AFF3: variants seen among roughly 807,000 people sequenced by gnomAD.
AFF3 encodes the protein AF4/FMR2 family member 3.
A neutral mutation model predicts 129.7 loss-of-function variants in AFF3; 32 were observed. The observed-to-expected ratio is 0.25, with a 90% CI of 0.19 to 0.33. AFF3 has a LOEUF of 0.33. Ranked by LOEUF, AFF3 falls within the 10% of genes least tolerant of loss-of-function variation. AFF3 has a pLI of 1.00. For synonymous variants in AFF3, 644 were observed against 635.4 expected (o/e 1.01, Z -0.20); for missense variants, 1,373 against 1,592.0 (o/e 0.86, Z 2.34).
intron 13 of AFF3, among the ~76,000 whole-genome samples, chr2:99,645,720 T>C (rs979580472): frequency 2.0e-5 from 3 of 152,196 alleles, no homozygotes; most frequent in African/African-American, 7.2e-5. Flanking sequence ...ATGATCACAG[T>C]TGATTTTTAA....
intron 13 of AFF3, among the ~76,000 whole-genome samples, chr2:99,611,793 A>C (rs1304512471): frequency 1.3e-5 from 2 of 152,048 alleles, no homozygotes; most frequent in East Asian, 1.9e-4. Flanking sequence ...AGGCTGAGGC[A>C]GGAGAATCGC....
intron 12 of AFF3, among the ~76,000 whole-genome samples, chr2:99,657,144 C>T (rs1685819244): frequency 6.6e-6 from 1 of 152,136 alleles, no homozygotes; most frequent in Non-Finnish European, 1.5e-5. Context: ...GAGGAGCATG[C>T]CAATAACGAA....
At chr2:99,592,844 G>C (rs1008321103) in intron 15 of AFF3, among the ~76,000 whole-genome samples, 3 of 151,956 alleles carry the variant, frequency 2.0e-5, no homozygotes, top group African/African-American at 7.3e-5. Flanking sequence ...GCTGAGGTAG[G>C]AGAATCGCCT....
rs55856427 is a variant in AFF3, at chr2:99,739,013, A to ATTT, written c.1039+5088_1039+5090dup. Among the ~76,000 whole-genome samples, 73 of 138,344 alleles carry ATTT rather than the reference A, an allele frequency of 5.3e-4. 2 individuals are homozygous for ATTT. The highest frequency in any genetic ancestry group is 1.5e-3 in the African/African-American group (56 of 37,578). 90.8% of individuals were successfully genotyped at this position (138,344 alleles called of 152,430 possible). A position where few individuals can be genotyped will look rare whatever the true frequency, so the allele number is the denominator to read the frequency against. ...TTCTCAGTGAGGAGTGAACTGTTCA[A>ATTT]TTTTTTTTTTTTTTAGCAAATATTA... On this transcript the variant is annotated intron_variant, in intron 10 of 24. Transcript: ENST00000672756.
chr2:99,668,031 G>A (rs1279428682), intron 12 of AFF3, among the ~76,000 whole-genome samples: 5 of 151,880 alleles, frequency 3.3e-5, no homozygotes, highest in African/African-American at 1.2e-4. Flanking sequence ...GGTGGTGGGC[G>A]CCTGTAGTCC....
At chr2:99,886,944 A>G (rs1238634850) in intron 7 of AFF3, among the ~76,000 whole-genome samples, 1 of 152,248 alleles carries the variant, frequency 6.6e-6, no homozygotes, top group African/African-American at 2.4e-5. Flanking sequence ...GTAAGAAGTA[A>G]TGCATCTCCC....
chr2:99,804,292 T>C (rs1015274072), intron 8 of AFF3, among the ~76,000 whole-genome samples: 12 of 152,170 alleles, frequency 7.9e-5, no homozygotes, highest in African/African-American at 2.4e-4. Flanking sequence ...AATAGACATT[T>C]TTCAAAAGAA....
chr2:99,576,408 C>T (rs1427613440), intron 18 of AFF3, among the ~76,000 whole-genome samples: 1 of 150,028 alleles, frequency 6.7e-6, no homozygotes, highest in Non-Finnish European at 1.5e-5. Context: ...CCCAGCTACT[C>T]AGGAGGCTGA....
intron 7 of AFF3, among the ~76,000 whole-genome samples, chr2:99,852,263 G>A (rs1558915557): frequency 6.6e-6 from 1 of 152,016 alleles, no homozygotes; most frequent in Non-Finnish European, 1.5e-5. Flanking sequence ...ATGCTTTCAT[G>A]TTGGCACTAA....
intron 9 of AFF3, among the ~76,000 whole-genome samples, chr2:99,745,454 G>A (rs4851225): frequency 0.74 from 112,130 of 152,084 alleles, 42,189 homozygotes; most frequent in East Asian, 0.92. Flanking sequence ...TGGTGTCATC[G>A]CTAAGAATCC....
intron 8 of AFF3, among the ~76,000 whole-genome samples, chr2:99,818,089 T>C (rs538752239): frequency 2.0e-5 from 3 of 152,188 alleles, no homozygotes; most frequent in Non-Finnish European, 4.4e-5. Flanking sequence ...AGGTTGAGCA[T>C]ACCAAATTCC....
intron 11 of AFF3, among the ~76,000 whole-genome samples, chr2:99,689,287 C>T (rs1675368300): frequency 6.6e-6 from 1 of 152,166 alleles, no homozygotes; most frequent in African/African-American, 2.4e-5. Flanking sequence ...CCTCAGCTGA[C>T]TGCAGCTGCT....
chr2:100,120,728 A>G (rs918938399), intron 2 of AFF3, among the ~76,000 whole-genome samples: 3 of 152,128 alleles, frequency 2.0e-5, no homozygotes, highest in Non-Finnish European at 2.9e-5. Context: ...TGATGTGATC[A>G]TAGCTCACTG....
In AFF3 at chr2:99,593,480, G is replaced by A. The variant is rs1018009207; in HGVS notation, c.2181C>T (p.Asn727=). Residue 727 remains asparagine, a synonymous_variant, in exon 15 of 25, where the codon AAC becomes AAT. Transcript: ENST00000672756. ...TGGCGATGTCACTGGTGGTCCTGGC[G>A]TTGATGGAGCCTACAGGGGCCCTAG... ...SGPRAPVGSI[N]ARTTSDIAKE... is the part of the protein sequence containing the mutation. The A allele has an allele frequency of 8.1e-6, 13 of 1,613,796 alleles. No individual in the cohort carries two copies. The highest frequency in any genetic ancestry group is 2.2e-5 in the South Asian group (2 of 91,086).
At chr2:99,861,819 C>T (rs1375342548) in intron 7 of AFF3, among the ~76,000 whole-genome samples, 1 of 152,164 alleles carries the variant, frequency 6.6e-6, no homozygotes, top group African/African-American at 2.4e-5. Flanking sequence ...CCCCCTTCAC[C>T]ATCCTAATTG....
intron 11 of AFF3, among the ~76,000 whole-genome samples, chr2:99,673,601 G>C (rs1408796043): frequency 1.3e-5 from 2 of 152,190 alleles, no homozygotes; most frequent in African/African-American, 4.8e-5. Context: ...GCAGGGGAGA[G>C]CCCACTTCTG....
Position 99,592,188 on chromosome 2 carries a change from G to A in AFF3, c.2466+1007C>T, listed in dbSNP as rs1382134034. Among the ~76,000 whole-genome samples, 5 of 152,142 alleles carry A rather than the reference G, an allele frequency of 3.3e-5. No homozygotes were observed. In the East Asian group the frequency reaches 9.6e-4, roughly 29 times the overall value. Reference sequence around the variant, plus strand: ...CAAAAACCTTCGAAATGGGCTACACGTTCAGGCTCTGCTGCCAGAGATGCC... The same window carrying A: ...CAAAAACCTTCGAAATGGGCTACACATTCAGGCTCTGCTGCCAGAGATGCC... On this transcript the variant is annotated intron_variant, in intron 15 of 24. Coordinates refer to ENST00000672756, the MANE Select transcript of AFF3 (RefSeq NM_001386135.1).
At chr2:99,555,630 C>T (rs1355498118) in intron 22 of AFF3, among the ~76,000 whole-genome samples, 2 of 152,020 alleles carry the variant, frequency 1.3e-5, no homozygotes, top group African/African-American at 4.8e-5. Context: ...CCAATCATGC[C>T]TTCATAGGAC....
intron 8 of AFF3, among the ~76,000 whole-genome samples, chr2:99,800,368 G>C (rs775782122): frequency 5.9e-5 from 9 of 152,104 alleles, no homozygotes; most frequent in Admixed American, 1.3e-4. Flanking sequence ...ACCACAATGA[G>C]ATACCACTAC....
Sources: allele counts gnomAD v4.1 joint callset (sites outside exome capture counted in the v4.1 genomes callset), GRCh38; gene constraint gnomAD v4.1.1; transcripts MANE v1.5; gene names NCBI Gene and HGNC (gene_info 2026-07-23, HGNC 2026-07-21).